Variants in VWA8 observed in about 807,000 individuals in gnomAD.
VWA8 encodes the protein von Willebrand factor A domain-containing protein 8.
Under a neutral mutation model 241.5 loss-of-function variants are expected in VWA8, and 221 were observed. The ratio of observed to expected loss-of-function variants is 0.91; its 90% CI spans 0.82 to 1.02. The LOEUF is 1.02. Ranked by LOEUF, VWA8 falls within the 50% of genes least tolerant of loss-of-function variation. The pLI, the probability that VWA8 is intolerant of heterozygous loss-of-function variation, is 0.00. For synonymous variants in VWA8, 852 were observed against 827.1 expected, an observed-to-expected ratio of 1.03 and a Z score of -0.52; for missense variants, 2,322 against 2,328.7, an observed-to-expected ratio of 1.00 and a Z score of 0.06.
chr13:41,588,215 C>T (rs911868024), intron 41 of VWA8, among the ~76,000 whole-genome samples: 3 of 152,138 alleles, frequency 2.0e-5, no homozygotes, highest in Admixed American at 1.3e-4. Context: ...ATTTTAAAAA[C>T]GACTTTTGTG....
At chr13:41,591,169 C>T (rs933361160) in intron 40 of VWA8, among the ~76,000 whole-genome samples, 1 of 152,108 alleles carries the variant, frequency 6.6e-6, no homozygotes, top group Non-Finnish European at 1.5e-5. Flanking sequence ...AGAATTCTAC[C>T]TTTTGGTAAA....
intron 19 of VWA8, among the ~76,000 whole-genome samples, chr13:41,778,890 G>A (rs912349160): frequency 1.8e-4 from 23 of 129,154 alleles, no homozygotes; most frequent in African/African-American, 6.8e-4. Flanking sequence ...CGCCCAGGCT[G>A]GAGTGCAGTG....
chr13:41,953,693 T>C (rs1163485904), intron 1 of VWA8, among the ~76,000 whole-genome samples: 3 of 152,040 alleles, frequency 2.0e-5, no homozygotes, highest in Non-Finnish European at 4.4e-5. Flanking sequence ...CCTGTAATCC[T>C]AGCTACTTGG....
At chr13:41,711,132 C>G (rs191101225) in intron 26 of VWA8, among the ~76,000 whole-genome samples, 5 of 152,278 alleles carry the variant, frequency 3.3e-5, no homozygotes, top group Non-Finnish European at 4.4e-5. Context: ...CTACTTTCAT[C>G]AGGGGTAATA....
At chr13:41,930,966 T>C (rs1179468763) in intron 2 of VWA8, among the ~76,000 whole-genome samples, 2 of 151,582 alleles carry the variant, frequency 1.3e-5, no homozygotes, top group East Asian at 1.9e-4. Flanking sequence ...CTGGCCAACA[T>C]GGTGAAACCC....
chr13:41,639,159 CT>C (rs58695029), intron 37 of VWA8, among the ~76,000 whole-genome samples: 5,286 of 146,004 alleles, frequency 0.036, 285 homozygotes, highest in African/African-American at 0.12. Flanking sequence ...GCTTAAAAGA[CT>C]TTTTTTTTTT....
intron 40 of VWA8, among the ~76,000 whole-genome samples, chr13:41,592,248 T>C (rs2044460210): frequency 7.9e-6 from 1 of 126,902 alleles, no homozygotes; most frequent in African/African-American, 3.0e-5. Context: ...TTCTCACTCA[T>C]AGGTGGGAAT....
chr13:41,961,032 T>C lies in VWA8; in HGVS notation c.-17A>G. 7.4e-7 allele frequency: 1 copy of C among 1,349,860 alleles called. No homozygotes were observed. The highest frequency in any genetic ancestry group is 9.5e-7 in the Non-Finnish European group (1 of 1,057,932). 83.6% of individuals were successfully genotyped at this position (1,349,860 alleles called of 1,614,324 possible). A position where few individuals can be genotyped will look rare whatever the true frequency, so the allele number is the denominator to read the frequency against. On this transcript the variant is annotated 5_prime_UTR_variant, in exon 1 of 45. Coordinates refer to ENST00000379310, the MANE Select transcript of VWA8 (RefSeq NM_015058.2). Reference sequence around the variant, plus strand: ...GGATTGCATGGCGCCGGGGGGGCTGTCGGGGACGGCGAGGGGGCTCGGGGA... The same window carrying C: ...GGATTGCATGGCGCCGGGGGGGCTGCCGGGGACGGCGAGGGGGCTCGGGGA...
intron 40 of VWA8, among the ~76,000 whole-genome samples, chr13:41,594,844 C>A (rs1008299175): frequency 3.9e-5 from 6 of 152,160 alleles, no homozygotes; most frequent in Non-Finnish European, 7.4e-5. Context: ...ATAAGCGAAG[C>A]AAGATTCTTT....
chr13:41,958,914 C>A (rs562301570), intron 1 of VWA8, among the ~76,000 whole-genome samples: 5 of 152,200 alleles, frequency 3.3e-5, no homozygotes, highest in Admixed American at 3.3e-4. Context: ...TCTACCAATA[C>A]GTATATAATA....
intron 37 of VWA8, among the ~76,000 whole-genome samples, chr13:41,653,181 T>C (rs761497371): frequency 2.6e-5 from 4 of 152,316 alleles, no homozygotes; most frequent in Non-Finnish European, 4.4e-5. Context: ...ATAATGGATG[T>C]TTTCCTTAGG....
chr13:41,786,429 C>A (rs1869189677), intron 18 of VWA8, among the ~76,000 whole-genome samples: 1 of 151,986 alleles, frequency 6.6e-6, no homozygotes, highest in Admixed American at 6.6e-5. Context: ...ATGAATGGAA[C>A]CAGACAAGTA....
At chr13:41,612,186 C>T (rs748584551) in intron 38 of VWA8, among the ~76,000 whole-genome samples, 3 of 152,156 alleles carry the variant, frequency 2.0e-5, no homozygotes, top group Non-Finnish European at 4.4e-5. Context: ...CCTTAGTTTT[C>T]CTTAAAAAAC....
intron 3 of VWA8, among the ~76,000 whole-genome samples, chr13:41,910,741 G>A (rs190123843): frequency 1.6e-4 from 24 of 152,216 alleles, no homozygotes; most frequent in African/African-American, 5.1e-4. Context: ...ACTAGTTCTA[G>A]GGATAAATAA....
chr13:41,865,708 C>A, intron 12 of VWA8, 28 bp downstream of exon 12: 1 of 1,611,100 alleles, frequency 6.2e-7, no homozygotes, highest in South Asian at 1.1e-5. Context: ...GCTTATAGTC[C>A]AAGTGCAGCT....
chr13:41,608,850 T>C (rs181297388), intron 39 of VWA8, among the ~76,000 whole-genome samples: 3 of 152,312 alleles, frequency 2.0e-5, no homozygotes, highest in East Asian at 3.9e-4. Flanking sequence ...ATTCTTGATA[T>C]GTAAGGGCTG....
At chr13:41,785,507 T>C (rs1869149872) in intron 18 of VWA8, among the ~76,000 whole-genome samples, 1 of 152,086 alleles carries the variant, frequency 6.6e-6, no homozygotes, top group Admixed American at 6.6e-5. Flanking sequence ...TCCACTAGAA[T>C]GCGACTTTTG....
intron 2 of VWA8, among the ~76,000 whole-genome samples, chr13:41,914,889 T>C (rs980594425): frequency 1.1e-4 from 16 of 152,210 alleles, no homozygotes; most frequent in Admixed American, 9.2e-4. Context: ...TTTATGACTA[T>C]TGGTAACTGT....
intron 37 of VWA8, among the ~76,000 whole-genome samples, chr13:41,620,080 C>G (rs1448536172): frequency 6.6e-6 from 1 of 152,144 alleles, no homozygotes; most frequent in African/African-American, 2.4e-5. Context: ...GTAGAATTTG[C>G]TGTGAATCCG....
Sources: gnomAD v4.1 joint callset for allele counts (sites outside exome capture counted in the v4.1 genomes callset) on GRCh38, gnomAD v4.1.1 for gene constraint, MANE v1.5 for transcripts, NCBI Gene and HGNC (gene_info 2026-07-23, HGNC 2026-07-21) for gene names.